Variants in CCDC14 observed in about 807,000 individuals in gnomAD.
CCDC14 encodes the protein coiled-coil domain-containing protein 14.
In CCDC14, 71 loss-of-function variants were observed where a neutral mutation model predicts 81.4. The ratio of observed to expected loss-of-function variants is 0.87; its 90% CI spans 0.72 to 1.06. CCDC14 has a LOEUF of 1.06. Ranked by LOEUF, CCDC14 falls within the 50% of genes least tolerant of loss-of-function variation. The pLI, the probability that CCDC14 is intolerant of heterozygous loss-of-function variation, is 0.00. For missense variants in CCDC14, 1,046 were observed against 1,047.3 expected (o/e 1.00, Z 0.02); for synonymous variants, 332 against 364.8 (o/e 0.91, Z 1.03).
chr3:123,946,687 G>C lies in CCDC14; in HGVS notation c.1201+116C>G, dbSNP rs1423438111. 8 of 1,035,684 alleles carry C rather than the reference G, an allele frequency of 7.7e-6. No homozygotes were observed. In the Admixed American group the frequency reaches 1.2e-4, roughly 16 times the overall value. The allele number at this position is 1,035,684 out of a possible 1,614,324, so 64.2% of individuals were successfully genotyped here. ...ATAAGTAGAACTCATTTTCTTATTAGCTCAAAACACAGTTCTATGGAAAAT... is the reference window on the plus strand; with the variant it reads ...ATAAGTAGAACTCATTTTCTTATTACCTCAAAACACAGTTCTATGGAAAAT... On this transcript the variant is annotated intron_variant, in intron 8 of 12. Coordinates refer to ENST00000409697, the MANE Select transcript of CCDC14 (RefSeq NM_001366335.1).
At chr3:123,960,198 A>G (rs141891204) in intron 1 of CCDC14, among the ~76,000 whole-genome samples, 32 of 152,348 alleles carry the variant, frequency 2.1e-4, no homozygotes, top group Middle Eastern at 6.8e-3. Flanking sequence ...TGAGAATCAT[A>G]TAAGCATTTC....
chr3:123,929,605 T>C (rs973950652), intron 12 of CCDC14, among the ~76,000 whole-genome samples: 4 of 152,132 alleles, frequency 2.6e-5, no homozygotes, highest in Non-Finnish European at 2.9e-5. Flanking sequence ...AACCAACATA[T>C]AATTTACATA....
At position 123,913,633 on chromosome 3, in the gene CCDC14, C is replaced by A. The variant is rs957699557; in HGVS notation, c.*1146G>T. On this transcript the variant is annotated 3_prime_UTR_variant, in exon 13 of 13. Coordinates refer to ENST00000409697, the MANE Select transcript of CCDC14 (RefSeq NM_001366335.1). ...GGAAAATCTGAACATATCAAAGAGACTACAGCTGGCTCCTTCAAACGCTGT... is the reference window on the plus strand; with the variant it reads ...GGAAAATCTGAACATATCAAAGAGAATACAGCTGGCTCCTTCAAACGCTGT... 4 of 980,696 alleles carry A rather than the reference C, an allele frequency of 4.1e-6. No homozygotes were observed. In the African/African-American group the frequency reaches 7.1e-5, roughly 17 times the overall value. The allele number at this position is 980,696 out of a possible 1,614,324, so 60.7% of individuals were successfully genotyped here.
At position 123,907,844 on chromosome 3, in the gene CCDC14, T is replaced by C. The variant is rs756853918; in HGVS notation, c.668-10231A>G. ...TCCTCTCCTATGCACTCCTGCTTGA[T>C]AACTCCTGCTTTTTCAGTCCTTCTA... On this transcript the variant is annotated intron_variant, in intron 5 of 5. Coordinates refer to the CCDC14 transcript ENST00000479903. 3.4e-4 allele frequency among the ~76,000 whole-genome samples: 52 copies of C among 151,966 alleles called. 1 individual carries two copies. Among genetic ancestry groups the C allele is most frequent in the Non-Finnish European group, 2.4e-4 (16 of 68,004 alleles).
At chr3:123,934,270 C>CAAAAAAAAAAAAAAAAAAAAAAA (rs61094944) in intron 9 of CCDC14, among the ~76,000 whole-genome samples, 3 of 52,290 alleles carry the variant, frequency 5.7e-5, no homozygotes, top group African/African-American at 2.5e-4. Flanking sequence ...GACTCTGCCT[C>CAAAAAAAAAAAAAAAAAAAAAAA]AAAAAAAAAA....
At chr3:123,958,351 T>A (rs1444126473) in intron 1 of CCDC14, 5 of 152,074 alleles carry the variant, frequency 3.3e-5, no homozygotes, top group Non-Finnish European at 7.4e-5. Flanking sequence ...ACATATGGTG[T>A]TTCTCCAAAA....
intron 2 of CCDC14, 108 bp from the exon 3 acceptor site, chr3:123,956,535 A>C (rs926964087): frequency 3.6e-5 from 30 of 831,324 alleles, no homozygotes; most frequent in Non-Finnish European, 2.1e-5. Context: ...AACCATGTAC[A>C]AGATGAATTT....
intron 12 of CCDC14, among the ~76,000 whole-genome samples, chr3:123,919,876 T>A (rs1225958547): frequency 6.6e-6 from 1 of 151,918 alleles, no homozygotes; most frequent in Non-Finnish European, 1.5e-5. Flanking sequence ...TTATGAAGAA[T>A]CAGAAAAATG....
chr3:123,936,439 G>T (rs1175812818), intron 9 of CCDC14, among the ~76,000 whole-genome samples: 1 of 151,858 alleles, frequency 6.6e-6, no homozygotes, highest in Admixed American at 6.6e-5. Context: ...TTTAAAGTGT[G>T]TCATTTTATT....
In CCDC14 at chr3:123,961,220, C is replaced by T; in HGVS notation, c.-47G>A. 17 of 1,551,606 alleles carry T rather than the reference C, an allele frequency of 1.1e-5. No individual in the cohort carries two copies. The highest frequency in any genetic ancestry group is 1.4e-5 in the Non-Finnish European group (16 of 1,147,006). ...CCAGACCGAGGGAAGTGAAGCCTCA[C>T]GGTAAAAAGAATTAACCGCCGTGGG... On this transcript the variant is annotated 5_prime_UTR_variant, in exon 1 of 13. In the 5' UTR this introduces an upstream ATG that the reference lacks. Transcript: ENST00000409697.
chr3:123,956,679 C>A, intron 2 of CCDC14, 61 bp downstream of exon 2: 1 of 1,341,114 alleles, frequency 7.5e-7, no homozygotes. Context: ...ACATGTCATC[C>A]AGCCCAAAGA....
At chr3:123,955,539 T>A (rs896562038) in intron 5 of CCDC14, 2 of 171,850 alleles carry the variant, frequency 1.2e-5, no homozygotes, top group African/African-American at 4.7e-5. Flanking sequence ...TATGATTATC[T>A]ATGAAAACAA....
At chr3:123,938,363 C>G (rs1391088912) in intron 9 of CCDC14, among the ~76,000 whole-genome samples, 2 of 151,812 alleles carry the variant, frequency 1.3e-5, no homozygotes, top group African/African-American at 4.8e-5. Context: ...CTAAATTGTT[C>G]ATATTTTTTT....
intron 9 of CCDC14, 51 bp from the exon 10 acceptor site, chr3:123,933,806 T>C (rs2035890277): frequency 8.1e-7 from 1 of 1,229,624 alleles, no homozygotes; most frequent in Non-Finnish European, 1.2e-6. Context: ...GCCAATTTAA[T>C]AGTATACATG....
chr3:123,893,920 GT>G, downstream of CCDC14, among the ~76,000 whole-genome samples: 1 of 152,098 alleles, frequency 6.6e-6, no homozygotes, highest in Non-Finnish European at 1.5e-5. Flanking sequence ...AAATTGCAGG[GT>G]TCTTTACATA....
chr3:123,956,096 AG>A lies in CCDC14; in HGVS notation c.178del (p.Asp61MetfsTer7). The A allele has an allele frequency of 6.5e-7, 1 of 1,548,362 alleles. No individual in the cohort carries two copies. Among genetic ancestry groups the A allele is most frequent in the Non-Finnish European group, 8.7e-7 (1 of 1,145,842 alleles). On this transcript the variant is annotated frameshift_variant, in exon 4 of 13. Transcript: ENST00000409697. LOFTEE classifies it high-confidence loss of function. ...SESQAETVHG[L>X]DGCASLLRDI... Reference sequence around the variant, plus strand: ...CCTCAGCAAAGAAGCACAACCATCAAGCCCGTGTACAGTTTCAGCCTGTAAG... The same window carrying A: ...CCTCAGCAAAGAAGCACAACCATCAACCCGTGTACAGTTTCAGCCTGTAAG...
downstream of CCDC14, among the ~76,000 whole-genome samples, chr3:123,910,615 T>C (rs2034424514): frequency 6.6e-6 from 1 of 151,912 alleles, no homozygotes; most frequent in Admixed American, 6.6e-5. Context: ...AATCTGTGGC[T>C]TCTCCACAGC....
downstream of CCDC14, among the ~76,000 whole-genome samples, chr3:123,910,645 T>C (rs1190024593): frequency 6.6e-6 from 1 of 151,826 alleles, no homozygotes; most frequent in Non-Finnish European, 1.5e-5. Context: ...AGTGTGCAAA[T>C]GTTTGCCAGT....
rs2034516549 is a variant in CCDC14, at chr3:123,913,875, G to T, written c.*904C>A. 2 of 985,198 alleles carry T rather than the reference G, an allele frequency of 2.0e-6. No homozygotes were observed. The highest frequency in any genetic ancestry group is 3.5e-5 in the African/African-American group (2 of 57,160). 61.0% of individuals were successfully genotyped at this position (985,198 alleles called of 1,614,324 possible). On this transcript the variant is annotated 3_prime_UTR_variant, in exon 13 of 13. Coordinates refer to ENST00000409697, the MANE Select transcript of CCDC14 (RefSeq NM_001366335.1). ...CTTACATGAAGGGAGATGATACTGA[G>T]CTAAGAAGTCCTGGTATAGAGAAGC...
Sources: gnomAD v4.1 joint callset for allele counts (sites outside exome capture counted in the v4.1 genomes callset) on GRCh38, gnomAD v4.1.1 for gene constraint, MANE v1.5 for transcripts, NCBI Gene and HGNC (gene_info 2026-07-23, HGNC 2026-07-21) for gene names.